BICRAL: variants seen among roughly 807,000 people sequenced by gnomAD.
BICRAL encodes the protein BICRA like chromatin remodeling complex associated protein, also known as BRD4-interacting chromatin-remodeling complex-associated protein-like.
A neutral mutation model predicts 91.8 loss-of-function variants in BICRAL; 8 were observed. That is an observed-to-expected ratio of 0.09 (90% CI 0.05 to 0.16). BICRAL has a LOEUF of 0.16. Among genes scored for constraint, BICRAL ranks in the 10% least tolerant of loss-of-function variants. The pLI is 1.00. For synonymous variants in BICRAL, 445 were observed against 491.1 expected (o/e 0.91, Z 1.24); for missense variants, 1,038 against 1,310.9 (o/e 0.79, Z 3.21).
chr6:42,767,315 T>C (rs1363666132), intron 1 of BICRAL, among the ~76,000 whole-genome samples: 1 of 152,244 alleles, frequency 6.6e-6, no homozygotes, highest in African/African-American at 2.4e-5. Flanking sequence ...TTAATTAATG[T>C]CATTTAATTT....
intron 6 of BICRAL, among the ~76,000 whole-genome samples, chr6:42,848,108 G>A (rs138068244): frequency 0.038 from 5,802 of 151,574 alleles, 146 homozygotes; most frequent in Middle Eastern, 0.076. Context: ...CAGCCTGGGC[G>A]ACAGAGTGAG....
intron 10 of BICRAL, among the ~76,000 whole-genome samples, chr6:42,859,073 G>A (rs181516677): frequency 1.3e-5 from 2 of 152,062 alleles, no homozygotes; most frequent in East Asian, 3.9e-4. Flanking sequence ...CCAAGGAATA[G>A]GGTCAAGATC....
At chr6:42,782,925 G>T (rs1762964547) in intron 1 of BICRAL, among the ~76,000 whole-genome samples, 1 of 150,926 alleles carries the variant, frequency 6.6e-6, no homozygotes, top group Non-Finnish European at 1.5e-5. Flanking sequence ...AAGCTCTAGG[G>T]TGTGAATCAC....
Position 42,862,543 on chromosome 6 carries a change from G to T in BICRAL, c.2383G>T (p.Asp795Tyr). ...TCCCTCTGCTGAGATGGTGATGATC[G>T]ATAGGATGTTCAACCAGGAGGAAAG... Reference protein sequence around the residue: ...INPSAEMVMIDRMFNQEERAS... With the variant: ...INPSAEMVMIYRMFNQEERAS... The change falls in exon 12 of 13, where the codon GAT (aspartate) becomes TAT (tyrosine). Residue 795 changes from aspartate to tyrosine, a missense_variant. Physicochemically the swap from Asp to Tyr is radical, Grantham distance 160 (BLOSUM62 -3). Coordinates refer to ENST00000314073, the MANE Select transcript of BICRAL (RefSeq NM_001393499.1). The T allele has an allele frequency of 6.2e-7, 1 of 1,611,416 alleles. No individual in the cohort carries two copies. The highest frequency in any genetic ancestry group is 1.7e-4 in the Middle Eastern group (1 of 6,054).
At chr6:42,748,105 T>C (rs890535297) in intron 1 of BICRAL, among the ~76,000 whole-genome samples, 3 of 91,944 alleles carry the variant, frequency 3.3e-5, no homozygotes, top group African/African-American at 8.2e-5. Flanking sequence ...TGCCTGGCCC[T>C]TTTTTTTTTT....
At chr6:42,823,872 C>T (rs1439401887) in intron 5 of BICRAL, among the ~76,000 whole-genome samples, 1 of 151,910 alleles carries the variant, frequency 6.6e-6, no homozygotes, top group Non-Finnish European at 1.5e-5. Flanking sequence ...TGCAGTGAGC[C>T]GAGATCCCGC....
chr6:42,851,395 A>T (rs1765176649), intron 6 of BICRAL, among the ~76,000 whole-genome samples: 1 of 152,104 alleles, frequency 6.6e-6, no homozygotes, highest in South Asian at 2.1e-4. Context: ...GAGATAACAT[A>T]AGTTTTTTTT....
At chr6:42,777,088 G>A (rs1762817318), upstream of BICRAL, among the ~76,000 whole-genome samples, 1 of 152,166 alleles carries the variant, frequency 6.6e-6, no homozygotes. Flanking sequence ...TCCCTATCCA[G>A]GAGGGAACAT....
intron 6 of BICRAL, among the ~76,000 whole-genome samples, chr6:42,843,512 G>A (rs1228001880): frequency 1.3e-5 from 2 of 152,234 alleles, no homozygotes; most frequent in East Asian, 3.9e-4. Flanking sequence ...GAAAGATGAC[G>A]AGACATGAAT....
At chr6:42,753,013 G>A (rs1279365556) in intron 1 of BICRAL, among the ~76,000 whole-genome samples, 2 of 141,788 alleles carry the variant, frequency 1.4e-5, no homozygotes, top group African/African-American at 2.6e-5. Context: ...TGCAACCTCC[G>A]CCTCCCAAGT....
chr6:42,782,231 C>G (rs1291636588), intron 1 of BICRAL, 130 bp downstream of exon 1: 1 of 149,266 alleles, frequency 6.7e-6, no homozygotes, highest in African/African-American at 2.5e-5. Context: ...GGCTGGAGAT[C>G]TGTCTCCAGA....
At chr6:42,796,739 G>A (rs968400028) in intron 1 of BICRAL, among the ~76,000 whole-genome samples, 4 of 151,974 alleles carry the variant, frequency 2.6e-5, no homozygotes, top group South Asian at 2.1e-4. Flanking sequence ...TGACATATGC[G>A]ATGTGGGTAT....
At chr6:42,760,385 G>A (rs1762527490) in intron 1 of BICRAL, among the ~76,000 whole-genome samples, 2 of 151,732 alleles carry the variant, frequency 1.3e-5, no homozygotes. Flanking sequence ...AGTGGGTCAG[G>A]GGACTTGTTC....
chr6:42,850,412 C>G (rs996901780), intron 6 of BICRAL, among the ~76,000 whole-genome samples: 1 of 150,786 alleles, frequency 6.6e-6, no homozygotes, highest in Non-Finnish European at 1.5e-5. Context: ...CCCAGCTACT[C>G]GAGAGGCTGA....
chr6:42,805,497 A>T (rs548459746), intron 1 of BICRAL, among the ~76,000 whole-genome samples: 1 of 152,048 alleles, frequency 6.6e-6, no homozygotes, highest in East Asian at 1.9e-4. Flanking sequence ...GAATAAACAC[A>T]CTCTCCCTGT....
intron 1 of BICRAL, among the ~76,000 whole-genome samples, chr6:42,758,240 C>T (rs1762490493): frequency 6.6e-6 from 1 of 152,194 alleles, no homozygotes; most frequent in South Asian, 2.1e-4. Flanking sequence ...CCCCAGTTCT[C>T]TATACCGTAG....
chr6:42,746,951 CT>C (rs901542941), upstream of BICRAL: 2 of 152,446 alleles, frequency 1.3e-5, no homozygotes, highest in African/African-American at 4.8e-5. Flanking sequence ...CCCCCTTCCT[CT>C]TTCTTCCCTG....
intron 1 of BICRAL, among the ~76,000 whole-genome samples, chr6:42,762,508 T>A (rs149940383): frequency 6.6e-6 from 1 of 152,328 alleles, no homozygotes; most frequent in East Asian, 1.9e-4. Context: ...AAAACACTTG[T>A]GTGTTATGTA....
At chr6:42,748,995 C>T (rs1433863462) in intron 1 of BICRAL, among the ~76,000 whole-genome samples, 1 of 152,134 alleles carries the variant, frequency 6.6e-6, no homozygotes, top group Non-Finnish European at 1.5e-5. Flanking sequence ...GCAAGCAGCT[C>T]TGAGTTCTGC....
Sources: allele counts gnomAD v4.1 joint callset (sites outside exome capture counted in the v4.1 genomes callset), GRCh38; gene constraint gnomAD v4.1.1; transcripts MANE v1.5; gene names NCBI Gene and HGNC (gene_info 2026-07-23, HGNC 2026-07-21).